Variants in RBM46 observed in about 807,000 individuals in gnomAD.
The protein encoded by RBM46 is RNA binding motif protein 46.
Under a neutral mutation model 43.3 loss-of-function variants are expected in RBM46, and 12 were observed. That is an observed-to-expected ratio of 0.28 (90% CI 0.18 to 0.45). RBM46 has a LOEUF of 0.45. RBM46 is among the 20% of genes least tolerant of loss of function. The pLI is 1.00. For missense variants in RBM46, 412 were observed against 639.1 expected (o/e 0.64, Z 3.83); for synonymous variants, 205 against 207.6 (o/e 0.99, Z 0.11).
Position 154,827,524 on chromosome 4 carries a change from C to T in RBM46, c.1403-344C>T, listed in dbSNP as rs934652254. ...TTTTATCTTTTCTTCATGGACTACC[C>T]CTTAGAACCAAATTTAAAAGAAGCT... On this transcript the variant is annotated intron_variant, in intron 4 of 4. Transcript: ENST00000281722. 11 of 1,049,150 alleles carry T rather than the reference C, an allele frequency of 1.0e-5. No homozygotes were observed. The Admixed American group carries it at 2.1e-4, about 20-fold the overall frequency. The allele number at this position is 1,049,150 out of a possible 1,614,324, so 65.0% of individuals were successfully genotyped here.
At chr4:154,811,669 C>G (rs11722223) in intron 4 of RBM46, among the ~76,000 whole-genome samples, 12,369 of 130,774 alleles carry the variant, frequency 0.095, 957 homozygotes, top group East Asian at 0.32. Context: ...GTGTGTGTGT[C>G]TGTGTGTGTG....
chr4:154,796,687 T>C, intron 1 of RBM46, 55 bp from the exon 2 acceptor site: 1 of 1,224,046 alleles, frequency 8.2e-7, no homozygotes, highest in African/African-American at 1.5e-5. Context: ...AAATGCCTTA[T>C]AGATTCTTGG....
At chr4:154,803,212 G>T (rs1240326389) in intron 4 of RBM46, among the ~76,000 whole-genome samples, 1 of 151,512 alleles carries the variant, frequency 6.6e-6, no homozygotes, top group Admixed American at 6.6e-5. Flanking sequence ...TGTTTTTTTT[G>T]GTCCTATCTA....
In RBM46 at chr4:154,783,490, G is replaced by C. The variant is rs116182189; in HGVS notation, c.-12+2054G>C. ...CCAGATTTGCATATTAATGCCGAAT[G>C]TTATTTCTCATTTTACTACCCGATG... On this transcript the variant is annotated intron_variant, in intron 1 of 4. Transcript: ENST00000281722. Among the ~76,000 whole-genome samples, 1,063 of 152,252 alleles carry C rather than the reference G, an allele frequency of 7.0e-3. 16 individuals are homozygous for C. The highest frequency in any genetic ancestry group is 0.024 in the African/African-American group (992 of 41,534).
chr4:154,813,509 T>C (rs1160511169), intron 4 of RBM46, among the ~76,000 whole-genome samples: 1 of 152,058 alleles, frequency 6.6e-6, no homozygotes, highest in African/African-American at 2.4e-5. Context: ...TGTGTTTATA[T>C]CAACCAAATA....
At chr4:154,808,767 T>C (rs1735037391) in intron 4 of RBM46, among the ~76,000 whole-genome samples, 1 of 152,096 alleles carries the variant, frequency 6.6e-6, no homozygotes, top group Non-Finnish European at 1.5e-5. Flanking sequence ...CTTGTTAATT[T>C]AAAGGCATTT....
intron 1 of RBM46, among the ~76,000 whole-genome samples, chr4:154,795,668 C>T (rs1229185328): frequency 1.3e-5 from 2 of 152,022 alleles, no homozygotes; most frequent in Admixed American, 1.3e-4. Context: ...TAGTCATTTT[C>T]TTCCTTATTT....
At chr4:154,789,910 T>G (rs951727296) in intron 1 of RBM46, among the ~76,000 whole-genome samples, 1 of 152,202 alleles carries the variant, frequency 6.6e-6, no homozygotes. Flanking sequence ...TGGGAGGGTG[T>G]ATGTGTCCAG....
At chr4:154,815,543 A>G (rs753994613) in intron 4 of RBM46, among the ~76,000 whole-genome samples, 8 of 152,042 alleles carry the variant, frequency 5.3e-5, no homozygotes, top group Non-Finnish European at 7.4e-5. Flanking sequence ...TAATTTTTAT[A>G]TGATGATAAC....
chr4:154,792,520 T>G (rs1453769329), intron 1 of RBM46, among the ~76,000 whole-genome samples: 1 of 152,158 alleles, frequency 6.6e-6, no homozygotes, highest in Non-Finnish European at 1.5e-5. Flanking sequence ...GTCTGCATGG[T>G]GCTTTGGATT....
At chr4:154,784,549 A>G (rs951506894) in intron 1 of RBM46, among the ~76,000 whole-genome samples, 2 of 151,878 alleles carry the variant, frequency 1.3e-5, no homozygotes, top group African/African-American at 4.8e-5. Context: ...TTTTCCTTCT[A>G]TTTTTTCTTT....
intron 1 of RBM46, chr4:154,781,942 A>T (rs148876513): frequency 6.6e-6 from 1 of 152,418 alleles, no homozygotes; most frequent in African/African-American, 2.4e-5. Flanking sequence ...GGTGAGATTC[A>T]GCAGTCTGGT....
chr4:154,823,394 A>G (rs1439533019), intron 4 of RBM46, among the ~76,000 whole-genome samples: 1 of 151,946 alleles, frequency 6.6e-6, no homozygotes, highest in Non-Finnish European at 1.5e-5. Context: ...AAGTGGATGG[A>G]TATGGTGGTA....
At chr4:154,806,436 C>T (rs1160852658) in intron 4 of RBM46, among the ~76,000 whole-genome samples, 1 of 151,454 alleles carries the variant, frequency 6.6e-6, no homozygotes, top group African/African-American at 2.4e-5. Context: ...AATCTTTTTT[C>T]TAAAAAGATT....
chr4:154,815,354 G>A (rs1159383224), intron 4 of RBM46, among the ~76,000 whole-genome samples: 1 of 151,824 alleles, frequency 6.6e-6, no homozygotes, highest in Non-Finnish European at 1.5e-5. Flanking sequence ...GAAAGTGGTG[G>A]GTCATGTTTT....
intron 4 of RBM46, 131 bp from the exon 5 acceptor site, chr4:154,827,737 A>G: frequency 6.6e-7 from 1 of 1,512,702 alleles, no homozygotes; most frequent in Non-Finnish European, 8.8e-7. Context: ...AACCAGCAAT[A>G]TAGTATCATC....
chr4:154,805,262 G>A (rs2111161475), intron 4 of RBM46, among the ~76,000 whole-genome samples: 1 of 152,070 alleles, frequency 6.6e-6, no homozygotes, highest in East Asian at 1.9e-4. Context: ...CAACTATGTT[G>A]GATATATCTG....
At chr4:154,801,074 A>T (rs1439528237) in intron 4 of RBM46, among the ~76,000 whole-genome samples, 2 of 150,368 alleles carry the variant, frequency 1.3e-5, no homozygotes, top group Non-Finnish European at 2.9e-5. Context: ...TGTCTCCTGG[A>T]TTCAAGCAAT....
At chr4:154,812,635 A>G (rs998387279) in intron 4 of RBM46, among the ~76,000 whole-genome samples, 6 of 152,218 alleles carry the variant, frequency 3.9e-5, no homozygotes, top group South Asian at 2.1e-4. Context: ...CATATAATTT[A>G]TCAGTCCGAA....
Sources: gnomAD v4.1 joint callset for allele counts (sites outside exome capture counted in the v4.1 genomes callset) on GRCh38, gnomAD v4.1.1 for gene constraint, MANE v1.5 for transcripts, NCBI Gene and HGNC (gene_info 2026-07-23, HGNC 2026-07-21) for gene names.